ZNF407: variants seen among roughly 807,000 people sequenced by gnomAD.
ZNF407 encodes zinc finger protein 407.
ZNF407 carries 17 observed loss-of-function variants against 131.2 expected under a neutral mutation model. That is an observed-to-expected ratio of 0.13 (90% confidence interval 0.09 to 0.19). The LOEUF is 0.19. Ranked by LOEUF, ZNF407 falls within the 10% of genes least tolerant of loss-of-function variation. The pLI is 1.00. For missense variants in ZNF407, 2,681 were observed against 2,830.6 expected, an observed-to-expected ratio of 0.95 and a Z score of 1.20; for synonymous variants, 1,156 against 1,062.0, an observed-to-expected ratio of 1.09 and a Z score of -1.72.
intron 8 of ZNF407, among the ~76,000 whole-genome samples, chr18:75,055,737 C>A (rs960951417): frequency 9.2e-5 from 14 of 152,088 alleles, no homozygotes; most frequent in Non-Finnish European, 1.5e-4. Context: ...TTCCAGAATT[C>A]TTTTCAGGGG....
At position 74,816,186 on chromosome 18, in the gene ZNF407, ATAT is replaced by A. The variant is rs567277082; in HGVS notation, c.4877+34688_4877+34690del. ...AATTCCTTGCTGATGGGTAATTATC[ATAT>A]TATATTTCTGGTTACTTTGGCTGAT... On this transcript the variant is annotated intron_variant, in intron 4 of 8. Coordinates refer to ENST00000299687, the MANE Select transcript of ZNF407 (RefSeq NM_017757.3). 2.6e-4 allele frequency among the ~76,000 whole-genome samples: 40 copies of A among 152,250 alleles called. No homozygotes were observed. The South Asian group carries it at 7.7e-3, about 29-fold the overall frequency.
chr18:74,874,141 G>A (rs755084470), intron 4 of ZNF407, among the ~76,000 whole-genome samples: 1 of 152,076 alleles, frequency 6.6e-6, no homozygotes. Flanking sequence ...ACTGCAGATG[G>A]TATTGAAGCC....
At chr18:74,920,337 G>T (rs1043763053) in intron 7 of ZNF407, among the ~76,000 whole-genome samples, 177 bp from the exon 8 acceptor site, 2 of 152,028 alleles carry the variant, frequency 1.3e-5, no homozygotes, top group African/African-American at 2.4e-5. Flanking sequence ...TCATACCAGG[G>T]TTATAAAAAC....
At chr18:74,621,104 TTTA>T (rs1466721049) in intron 1 of ZNF407, among the ~76,000 whole-genome samples, 104 of 23,054 alleles carry the variant, frequency 4.5e-3, no homozygotes, top group Admixed American at 0.011. Flanking sequence ...ACTGTATCTC[TTTA>T]TTATTATTAT....
rs199680209 is a variant in ZNF407 at position 74,634,605 on chromosome 18, A to G, written c.3586A>G (p.Ser1196Gly). Reference protein sequence around the residue: ...LTMSSNYGSPSRFQNENSGSS... With the variant: ...LTMSSNYGSPGRFQNENSGSS... Reference sequence around the variant, plus strand: ...TATGTCCTCAAACTATGGCTCCCCAAGCAGATTTCAAAATGAAAATTCAGG... The same window carrying G: ...TATGTCCTCAAACTATGGCTCCCCAGGCAGATTTCAAAATGAAAATTCAGG... The change falls in exon 2 of 9, where the codon AGC becomes GGC. Residue 1196 changes from serine (S) to glycine (G), a missense_variant. Around this residue, in one of 6 missense-constraint regions of ZNF407, gnomAD observed 1,789 missense variants for 1,748.7 expected, o/e 1.02. Transcript: ENST00000299687. 1.7e-5 allele frequency: 28 copies of G among 1,613,954 alleles called. No homozygotes were observed. Among genetic ancestry groups the G allele is most frequent in the African/African-American group, 1.3e-5 (1 of 75,054 alleles).
intron 4 of ZNF407, among the ~76,000 whole-genome samples, chr18:74,848,148 T>C (rs1488344640): frequency 6.6e-6 from 1 of 152,212 alleles, no homozygotes; most frequent in East Asian, 1.9e-4. Context: ...TTTCCAGACT[T>C]ATTATATATT....
intron 4 of ZNF407, among the ~76,000 whole-genome samples, chr18:74,845,694 G>A (rs1308309853): frequency 6.6e-6 from 1 of 152,192 alleles, no homozygotes; most frequent in Non-Finnish European, 1.5e-5. Context: ...ATGAAGTTTT[G>A]CAAGGAAAAG....
At chr18:75,033,130 TA>T (rs1208737853) in intron 8 of ZNF407, among the ~76,000 whole-genome samples, 1 of 104,150 alleles carries the variant, frequency 9.6e-6, no homozygotes, top group Non-Finnish European at 1.8e-5. Context: ...GTGCTCAGAA[TA>T]GGGGGAAGAC....
In ZNF407 at chr18:74,753,614, T is replaced by C. The variant is rs112045490; in HGVS notation, c.4803-27814T>C. 3.3e-3 allele frequency among the ~76,000 whole-genome samples: 500 copies of C among 151,494 alleles called. 3 individuals carry two copies. Among genetic ancestry groups the C allele is most frequent in the African/African-American group, 0.011 (469 of 41,482 alleles). ...ACTTTTCTGCATCTATTGAGATAAT[T>C]GTGGTTTTTGTCTTTGGTTCTGTTT... is the stretch of plus-strand genomic sequence containing the variant. On this transcript the variant is annotated intron_variant, in intron 3 of 8. Transcript: ENST00000299687.
rs1973696980 is a variant in ZNF407, at chr18:75,065,042, CA to C, written c.*577del. 6.6e-6 allele frequency: 1 copy of C among 152,350 alleles called. No homozygotes were observed. The highest frequency in any genetic ancestry group is 1.5e-5 in the Non-Finnish European group (1 of 68,024). 9.4% of individuals were successfully genotyped at this position (152,350 alleles called of 1,614,324 possible). A position where few individuals can be genotyped will look rare whatever the true frequency, so the allele number is the denominator to read the frequency against. On this transcript the variant is annotated 3_prime_UTR_variant, in exon 9 of 9. Transcript: ENST00000299687. ...TTTTAGAATAACAGTGTCCCCATAC[CA>C]AAGGAAGCCTGCTAGCTCATTTCAT...
intron 4 of ZNF407, among the ~76,000 whole-genome samples, chr18:74,853,795 A>G (rs1970822206): frequency 6.6e-6 from 1 of 152,100 alleles, no homozygotes; most frequent in Admixed American, 6.5e-5. Context: ...CAGTTTTCCA[A>G]GTCTGACAAG....
chr18:74,831,454 T>C (rs1970482077), intron 4 of ZNF407, among the ~76,000 whole-genome samples: 1 of 152,200 alleles, frequency 6.6e-6, no homozygotes, highest in Non-Finnish European at 1.5e-5. Flanking sequence ...TCTACCATTC[T>C]GCTTTCTGTG....
chr18:74,953,979 T>C (rs190439365), intron 8 of ZNF407, among the ~76,000 whole-genome samples: 5 of 152,226 alleles, frequency 3.3e-5, no homozygotes, highest in Non-Finnish European at 7.3e-5. Context: ...GTATGTTTTG[T>C]GTGTGTGCAT....
At chr18:74,663,785 A>G (rs1985815285) in intron 3 of ZNF407, among the ~76,000 whole-genome samples, 1 of 152,216 alleles carries the variant, frequency 6.6e-6, no homozygotes. Flanking sequence ...GATTTTAGAG[A>G]GGACCGAGAG....
chr18:74,708,695 T>C (rs1042533430), intron 3 of ZNF407, among the ~76,000 whole-genome samples: 1 of 152,226 alleles, frequency 6.6e-6, no homozygotes, highest in Non-Finnish European at 1.5e-5. Context: ...GCCAGGAATG[T>C]CTTCTCATCC....
At chr18:75,015,581 C>CAT (rs34475257) in intron 8 of ZNF407, among the ~76,000 whole-genome samples, 21,697 of 144,966 alleles carry the variant, frequency 0.15, 1,858 homozygotes, top group Admixed American at 0.29. Flanking sequence ...TATATATTTA[C>CAT]ATATATATAT....
intron 3 of ZNF407, among the ~76,000 whole-genome samples, chr18:74,758,585 GAA>G (rs1969018671): frequency 6.6e-6 from 1 of 152,106 alleles, no homozygotes; most frequent in East Asian, 1.9e-4. Context: ...AAGGAAAAGA[GAA>G]AATATATCTA....
chr18:74,753,484 G>C lies in ZNF407; in HGVS notation c.4803-27944G>C, dbSNP rs186672578. On this transcript the variant is annotated intron_variant, in intron 3 of 8. Transcript: ENST00000299687. ...TTTTTGCCCATTCAGTATGATATTG[G>C]CTGTGGGTTTGTCATAAATAGCTCT... 4.8e-3 allele frequency among the ~76,000 whole-genome samples: 727 copies of C among 152,306 alleles called. 8 individuals are homozygous for C. The highest frequency in any genetic ancestry group is 0.017 in the African/African-American group (699 of 41,572).
chr18:74,829,385 T>C (rs1970452306), intron 4 of ZNF407, among the ~76,000 whole-genome samples: 1 of 152,244 alleles, frequency 6.6e-6, no homozygotes, highest in Admixed American at 6.5e-5. Flanking sequence ...TTAATTTTTC[T>C]TAGCTGTTGT....
Sources: allele counts gnomAD v4.1 joint callset (sites outside exome capture counted in the v4.1 genomes callset), GRCh38; gene constraint gnomAD v4.1.1; regional missense constraint gnomAD v4.1.1; transcripts MANE v1.5; gene names NCBI Gene and HGNC (gene_info 2026-07-23, HGNC 2026-07-21).